Variants in EN2 observed in about 807,000 individuals in gnomAD.
The protein encoded by EN2 is homeobox protein engrailed-2.
EN2 carries 7 observed loss-of-function variants against 25.0 expected under a neutral mutation model. The ratio of observed to expected loss-of-function variants is 0.28; its 90% confidence interval spans 0.16 to 0.53. EN2 has a LOEUF of 0.53. Among genes scored for constraint, EN2 ranks in the 20% least tolerant of loss-of-function variants. EN2 has a pLI of 0.96. For synonymous variants in EN2, 277 were observed against 243.3 expected, an observed-to-expected ratio of 1.14 and a Z score of -1.29; for missense variants, 524 against 501.8, an observed-to-expected ratio of 1.04 and a Z score of -0.42.
intron 1 of EN2, among the ~76,000 whole-genome samples, chr7:155,461,611 G>A (rs977719127): frequency 6.6e-6 from 1 of 152,218 alleles, no homozygotes; most frequent in African/African-American, 2.4e-5. Context: ...TGGGGAAAGG[G>A]TGGTGCAGTC....
intron 1 of EN2, among the ~76,000 whole-genome samples, chr7:155,461,031 T>A (rs1795688993): frequency 6.6e-6 from 1 of 152,142 alleles, no homozygotes; most frequent in Admixed American, 6.5e-5. Flanking sequence ...GGGCCTCCAG[T>A]TCGTCCCCCA....
Position 155,459,031 on chromosome 7 carries a change from C to T in EN2, c.654C>T (p.Tyr218=), listed in dbSNP as rs1400718956. 1.9e-6 allele frequency: 3 copies of T among 1,581,402 alleles called. No homozygotes were observed. Among genetic ancestry groups the T allele is most frequent in the East Asian group, 4.6e-5 (2 of 43,078 alleles). Reference sequence around the variant, plus strand: ...CCATGCTCTGGCCGGCGTGGGTCTACTGTACGCGCTACTCGGACCGGCCTT... The same window carrying T: ...CCATGCTCTGGCCGGCGTGGGTCTATTGTACGCGCTACTCGGACCGGCCTT... ...AQPMLWPAWV[Y]CTRYSDRPSS... Residue 218 remains tyrosine (Y), a synonymous_variant, in exon 1 of 2, where the codon TAC becomes TAT. Transcript: ENST00000297375.
chr7:155,460,039 C>T (rs1462995232), intron 1 of EN2, among the ~76,000 whole-genome samples: 1 of 152,232 alleles, frequency 6.6e-6, no homozygotes, highest in Non-Finnish European at 1.5e-5. Context: ...GCCCCCAAAC[C>T]CTCAACTATT....
In EN2 at chr7:155,462,391, A is replaced by G; in HGVS notation, c.706A>G (p.Lys236Glu). 1 of 1,610,410 alleles carries G rather than the reference A, an allele frequency of 6.2e-7. No individual in the cohort carries two copies. Among genetic ancestry groups the G allele is most frequent in the Non-Finnish European group, 8.5e-7 (1 of 1,178,824 alleles). Residue 236 changes from lysine (K) to glutamate (E), a missense_variant, in exon 2 of 2, where the codon AAG becomes GAG. By Grantham distance (56) the Lys-to-Glu change is moderately conservative. Coordinates refer to ENST00000297375, the MANE Select transcript of EN2 (RefSeq NM_001427.4). Reference sequence around the variant, plus strand: ...CCCAGGTCCCAGGTCTCGAAAACCAAAGAAGAAGAACCCGAACAAAGAGGA... The same window carrying G: ...CCCAGGTCCCAGGTCTCGAAAACCAGAGAAGAAGAACCCGAACAAAGAGGA... Reference protein sequence around the residue: ...PSSGPRSRKPKKKNPNKEDKR... With the variant: ...PSSGPRSRKPEKKNPNKEDKR...
At position 155,458,578 on chromosome 7, in the gene EN2, C is replaced by A; in HGVS notation, c.201C>A (p.Thr67=). 1 of 1,477,140 alleles carries A rather than the reference C, an allele frequency of 6.8e-7. No homozygotes were observed. The highest frequency in any genetic ancestry group is 9.0e-7 in the Non-Finnish European group (1 of 1,111,238). The allele number at this position is 1,477,140 out of a possible 1,614,324, so 91.5% of individuals were successfully genotyped here. The part of the protein sequence containing the change: ...PGNHQHPHRI[T]NFFIDNILRP... ...ACCACCAGCACCCGCACCGCATCAC[C>A]AACTTCTTCATCGACAACATCCTGC... is the stretch of plus-strand genomic sequence containing the variant. The change falls in exon 1 of 2, where the codon ACC becomes ACA. Residue 67 remains threonine, a synonymous_variant. Transcript: ENST00000297375.
At position 155,464,196 on chromosome 7, in the gene EN2, A is replaced by C. The variant is rs1000408413; in HGVS notation, c.*1509A>C. The C allele has an allele frequency of 6.6e-6, 1 of 152,206 alleles. No individual in the cohort carries two copies. Among genetic ancestry groups the C allele is most frequent in the Non-Finnish European group, 1.5e-5 (1 of 68,024 alleles). 9.4% of individuals were successfully genotyped at this position (152,206 alleles called of 1,614,324 possible). A position where few individuals can be genotyped will look rare whatever the true frequency, so the allele number is the denominator to read the frequency against. The stretch of plus-strand genomic sequence containing the variant: ...CATTTTATTTTTGAAGGTGTGGTAC[A>C]GTGTAAATTAAATATATTCAATATA... On this transcript the variant is annotated 3_prime_UTR_variant, in exon 2 of 2. Coordinates refer to ENST00000297375, the MANE Select transcript of EN2 (RefSeq NM_001427.4).
In EN2 at chr7:155,458,379, TGGA is replaced by T. The variant is rs1403624631; in HGVS notation, c.7_9del (p.Glu3?). On this transcript the variant is annotated start_lost and inframe_deletion, in exon 1 of 2. Coordinates refer to ENST00000297375, the MANE Select transcript of EN2 (RefSeq NM_001427.4). ...AGTGTGGGATTTACTGTGAACAGCA[TGGA>T]GGAGAATGACCCCAAGCCTGGCGAA... 1 of 1,312,746 alleles carries T rather than the reference TGGA, an allele frequency of 7.6e-7. No homozygotes were observed. The highest frequency in any genetic ancestry group is 9.7e-7 in the Non-Finnish European group (1 of 1,028,698). The allele number at this position is 1,312,746 out of a possible 1,614,324, so 81.3% of individuals were successfully genotyped here.
At chr7:155,462,181 T>C (rs1419577745) in intron 1 of EN2, among the ~76,000 whole-genome samples, 190 bp from the exon 2 acceptor site, 2 of 152,294 alleles carry the variant, frequency 1.3e-5, no homozygotes, top group East Asian at 3.9e-4. Flanking sequence ...CAGTCCTCCC[T>C]CACCAAGTGG....
Position 155,458,239 on chromosome 7 carries a change from TG to T in EN2, c.-137del. 1.7e-6 allele frequency: 2 copies of T among 1,176,328 alleles called. No individual in the cohort carries two copies. Among genetic ancestry groups the T allele is most frequent in the Non-Finnish European group, 2.2e-6 (2 of 927,114 alleles). 72.9% of individuals were successfully genotyped at this position (1,176,328 alleles called of 1,614,324 possible). A position where few individuals can be genotyped will look rare whatever the true frequency, so the allele number is the denominator to read the frequency against. ...CCGGCGACTTGTAGGACCTCAGCCCTGGCCGCGGCCGCCGCGCACGCCCTCG... is the reference window on the plus strand; with the variant it reads ...CCGGCGACTTGTAGGACCTCAGCCCTGCCGCGGCCGCCGCGCACGCCCTCG... On this transcript the variant is annotated 5_prime_UTR_variant, in exon 1 of 2. Transcript: ENST00000297375.
intron 1 of EN2, among the ~76,000 whole-genome samples, chr7:155,460,265 C>G (rs930995507): frequency 6.6e-6 from 1 of 152,204 alleles, no homozygotes; most frequent in Non-Finnish European, 1.5e-5. Context: ...TTGTGCGGCG[C>G]GGGAGTTCGC....
Position 155,464,466 on chromosome 7 carries a change from C to T in EN2, c.*1779C>T, listed in dbSNP as rs1474821595. 6.6e-6 allele frequency: 1 copy of T among 152,594 alleles called. No individual in the cohort carries two copies. The highest frequency in any genetic ancestry group is 1.5e-5 in the Non-Finnish European group (1 of 68,028). 9.5% of individuals were successfully genotyped at this position (152,594 alleles called of 1,614,324 possible). On this transcript the variant is annotated 3_prime_UTR_variant, in exon 2 of 2. Coordinates refer to ENST00000297375, the MANE Select transcript of EN2 (RefSeq NM_001427.4). ...TGCCTTAAACCTCTTTATTTCATTG[C>T]AGTAATAGTTTTACGTTGTACATAA...
chr7:155,462,410 AAG>A lies in EN2; in HGVS notation c.728_729del (p.Glu243GlyfsTer104). 1.2e-6 allele frequency: 2 copies of A among 1,613,078 alleles called. No homozygotes were observed. Among genetic ancestry groups the A allele is most frequent in the Non-Finnish European group, 1.7e-6 (2 of 1,179,820 alleles). On this transcript the variant is annotated frameshift_variant, in exon 2 of 2. Transcript: ENST00000297375. LOFTEE classifies it high-confidence loss of function. ...AAACCAAAGAAGAAGAACCCGAACA[AAG>A]AGGACAAGCGGCCGCGCACGGCCTT...
At position 155,458,696 on chromosome 7, in the gene EN2, AGCGGTGCGGAGGGAGGCGGCGGCGCGG is replaced by A. The variant is rs1020988946; in HGVS notation, c.324_350del (p.Ala109_Gly117del). On this transcript the variant is annotated inframe_deletion, in exon 1 of 2. Coordinates refer to ENST00000297375, the MANE Select transcript of EN2 (RefSeq NM_001427.4). ...CGGAGCCGGCGGCGAAGGCGGCGCG[AGCGGTGCGGAGGGAGGCGGCGGCGCGG>A]GCGGCTCGGAGCAGCTCTTGGGCTC... 56 of 1,337,028 alleles carry A rather than the reference AGCGGTGCGGAGGGAGGCGGCGGCGCGG, an allele frequency of 4.2e-5. No individual in the cohort carries two copies. Among genetic ancestry groups the A allele is most frequent in the Middle Eastern group, 2.6e-4 (1 of 3,858 alleles). The allele number at this position is 1,337,028 out of a possible 1,614,324, so 82.8% of individuals were successfully genotyped here. A position where few individuals can be genotyped will look rare whatever the true frequency, so the allele number is the denominator to read the frequency against.
chr7:155,462,311 C>T (rs1795705718), intron 1 of EN2, 60 bp from the exon 2 acceptor site: 2 of 1,525,240 alleles, frequency 1.3e-6, no homozygotes, highest in Admixed American at 4.3e-5. Context: ...TTACCCGGTG[C>T]CTATTGGGTG....
Position 155,458,695 on chromosome 7 carries a change from G to A in EN2, c.318G>A (p.Ala106=). 7.5e-7 allele frequency: 1 copy of A among 1,339,334 alleles called. No homozygotes were observed. Among genetic ancestry groups the A allele is most frequent in the Non-Finnish European group, 9.5e-7 (1 of 1,052,984 alleles). The allele number at this position is 1,339,334 out of a possible 1,614,324, so 83.0% of individuals were successfully genotyped here. A position where few individuals can be genotyped will look rare whatever the true frequency, so the allele number is the denominator to read the frequency against. The change falls in exon 1 of 2, where the codon GCG becomes GCA. Residue 106 remains alanine (A), a synonymous_variant. Coordinates refer to ENST00000297375, the MANE Select transcript of EN2 (RefSeq NM_001427.4). ...GCGGAGCCGGCGGCGAAGGCGGCGC[G>A]AGCGGTGCGGAGGGAGGCGGCGGCG... ...RGGGAGGEGG[A]SGAEGGGGAG...
rs1795717017 is a variant in EN2 at position 155,463,200 on chromosome 7, T to C, written c.*513T>C. On this transcript the variant is annotated 3_prime_UTR_variant, in exon 2 of 2. Transcript: ENST00000297375. Reference sequence around the variant, plus strand: ...ACACCTCAAGCCTGGACCAGCCACCTCAAGGCCTTGGGGAGCTTAGGGGAC... The same window carrying C: ...ACACCTCAAGCCTGGACCAGCCACCCCAAGGCCTTGGGGAGCTTAGGGGAC... The C allele has an allele frequency of 6.5e-6, 1 of 153,696 alleles. No homozygotes were observed. The highest frequency in any genetic ancestry group is 1.5e-5 in the Non-Finnish European group (1 of 68,908). 9.5% of individuals were successfully genotyped at this position (153,696 alleles called of 1,614,324 possible).
rs1440560547 is a variant in EN2, at chr7:155,458,930, G to A, written c.553G>A (p.Gly185Ser). 3 of 1,517,758 alleles carry A rather than the reference G, an allele frequency of 2.0e-6. No homozygotes were observed. The highest frequency in any genetic ancestry group is 2.6e-6 in the Non-Finnish European group (3 of 1,140,120). 94.0% of individuals were successfully genotyped at this position (1,517,758 alleles called of 1,614,324 possible). The change falls in exon 1 of 2, where the codon GGC becomes AGC. Residue 185 changes from glycine (G) to serine (S), a missense_variant. Physicochemically the swap from Gly to Ser is moderately conservative, Grantham distance 56. Coordinates refer to ENST00000297375, the MANE Select transcript of EN2 (RefSeq NM_001427.4). ...GPLDGSLKARGLGGGDLSVSS... is the reference protein window; with the variant it reads ...GPLDGSLKARSLGGGDLSVSS... The stretch of plus-strand genomic sequence containing the variant: ...CCTGGACGGGTCGCTCAAGGCCCGC[G>A]GCTTGGGCGGCGGCGACCTGTCGGT...
intron 1 of EN2, among the ~76,000 whole-genome samples, chr7:155,460,431 G>C (rs57268595): frequency 0.011 from 1,607 of 152,336 alleles, 30 homozygotes; most frequent in African/African-American, 0.036. Context: ...AAAGAAAGGG[G>C]AGAGAGAGTT....
chr7:155,458,763 C>A lies in EN2; in HGVS notation c.386C>A (p.Pro129His). 7.3e-7 allele frequency: 1 copy of A among 1,369,598 alleles called. No individual in the cohort carries two copies. The highest frequency in any genetic ancestry group is 9.3e-7 in the Non-Finnish European group (1 of 1,069,746). The allele number at this position is 1,369,598 out of a possible 1,614,324, so 84.8% of individuals were successfully genotyped here. A position where few individuals can be genotyped will look rare whatever the true frequency, so the allele number is the denominator to read the frequency against. The change falls in exon 1 of 2, where the codon CCC becomes CAC. Residue 129 changes from proline to histidine, a missense_variant. By Grantham distance (77) the Pro-to-His change is moderately conservative. Transcript: ENST00000297375. Reference sequence around the variant, plus strand: ...CTCTTGGGCTCGGGCTCCCGAGAGCCCCGGCAGAACCCGCCATGTGCGCCC... The same window carrying A: ...CTCTTGGGCTCGGGCTCCCGAGAGCACCGGCAGAACCCGCCATGTGCGCCC... ...EQLLGSGSRE[P>H]RQNPPCAPGA... is the part of the protein sequence containing the mutation.
Sources: gnomAD v4.1 joint callset for allele counts (sites outside exome capture counted in the v4.1 genomes callset) on GRCh38, gnomAD v4.1.1 for gene constraint, MANE v1.5 for transcripts, NCBI Gene and HGNC (gene_info 2026-07-23, HGNC 2026-07-21) for gene names.